Variants in PLXDC2 observed in about 807,000 individuals in gnomAD.
The protein encoded by PLXDC2 is plexin domain-containing protein 2.
In PLXDC2, 40 loss-of-function variants were observed where a neutral mutation model predicts 68.9. The observed-to-expected ratio is 0.58, with a 90% CI of 0.45 to 0.76. The LOEUF is 0.76. Ranked by LOEUF, PLXDC2 falls within the 30% of genes least tolerant of loss-of-function variation. The probability of loss-of-function intolerance (pLI) is 0.00; values close to 1 mark genes in which losing one functional copy is unlikely to be tolerated. For synonymous variants in PLXDC2, 243 were observed against 234.2 expected, an observed-to-expected ratio of 1.04 and a Z score of -0.34; for missense variants, 644 against 661.9, an observed-to-expected ratio of 0.97 and a Z score of 0.30.
chr10:19,914,704 T>C (rs912389977), intron 1 of PLXDC2, among the ~76,000 whole-genome samples: 2 of 152,184 alleles, frequency 1.3e-5, no homozygotes, highest in Admixed American at 1.3e-4. Context: ...TATTTTAGGA[T>C]GGGAAGACAG....
chr10:20,046,136 G>A (rs1188626993), intron 2 of PLXDC2, among the ~76,000 whole-genome samples: 5 of 152,108 alleles, frequency 3.3e-5, no homozygotes, highest in Non-Finnish European at 7.4e-5. Flanking sequence ...AAAGAAGTTT[G>A]AATTTGTTAT....
intron 7 of PLXDC2, among the ~76,000 whole-genome samples, chr10:20,170,191 C>T (rs1252776876): frequency 1.3e-5 from 2 of 151,952 alleles, no homozygotes; most frequent in African/African-American, 4.8e-5. Flanking sequence ...AGACTAGGCA[C>T]CACTTTTTTT....
chr10:19,900,896 G>T (rs959842829), intron 1 of PLXDC2, among the ~76,000 whole-genome samples: 2 of 151,518 alleles, frequency 1.3e-5, no homozygotes, highest in African/African-American at 4.9e-5. Flanking sequence ...TAGAATAATA[G>T]TCTCCAATCC....
rs1490202106 is a variant in PLXDC2, at chr10:20,284,409, G to GTGTA, written c.*4593_*4594insATGT. On this transcript the variant is annotated 3_prime_UTR_variant, in exon 14 of 14. Coordinates refer to ENST00000377252, the MANE Select transcript of PLXDC2 (RefSeq NM_032812.9). ...ATTTGATAGAGATGATAGCAATTAT[G>GTGTA]TGTGTGTGTGTGTGTGTGTGTGTGT... is the stretch of plus-strand genomic sequence containing the variant. 3 of 122,318 alleles carry GTGTA rather than the reference G, an allele frequency of 2.5e-5. No homozygotes were observed. Among genetic ancestry groups the GTGTA allele is most frequent in the Non-Finnish European group, 5.4e-5 (3 of 55,172 alleles). The allele number at this position is 122,318 out of a possible 1,614,324, so 7.6% of individuals were successfully genotyped here. A position where few individuals can be genotyped will look rare whatever the true frequency, so the allele number is the denominator to read the frequency against.
At chr10:20,125,536 A>G (rs1833761589) in intron 4 of PLXDC2, among the ~76,000 whole-genome samples, 1 of 152,166 alleles carries the variant, frequency 6.6e-6, no homozygotes. Context: ...TGAGATTGCA[A>G]AAGGGCACAT....
rs1436235699 is a variant in PLXDC2, at chr10:20,282,628, T to C, written c.*2809T>C. On this transcript the variant is annotated 3_prime_UTR_variant, in exon 14 of 14. Coordinates refer to ENST00000377252, the MANE Select transcript of PLXDC2 (RefSeq NM_032812.9). ...GTCTAGTGTTCCATTATTGGAACGC[T>C]AAGCTTATGGGAGTTATTTAGAGCC... 1 of 152,166 alleles carries C rather than the reference T, an allele frequency of 6.6e-6. No homozygotes were observed. Among genetic ancestry groups the C allele is most frequent in the Admixed American group, 6.6e-5 (1 of 15,264 alleles). The allele number at this position is 152,166 out of a possible 1,614,324, so 9.4% of individuals were successfully genotyped here.
chr10:19,877,066 T>G (rs1837645641), intron 1 of PLXDC2, among the ~76,000 whole-genome samples: 1 of 152,202 alleles, frequency 6.6e-6, no homozygotes, highest in Non-Finnish European at 1.5e-5. Flanking sequence ...TTGTTTGCAT[T>G]TCACCGAATA....
At chr10:19,963,525 A>C (rs970848426) in intron 1 of PLXDC2, among the ~76,000 whole-genome samples, 4 of 152,190 alleles carry the variant, frequency 2.6e-5, no homozygotes, top group Admixed American at 1.3e-4. Flanking sequence ...TGATGAATTC[A>C]TGTCCTTTGT....
chr10:20,277,192 G>C (rs1222562542), intron 13 of PLXDC2, among the ~76,000 whole-genome samples: 1 of 106,892 alleles, frequency 9.4e-6, no homozygotes, highest in African/African-American at 3.8e-5. Flanking sequence ...CTGGGTGACA[G>C]AGCGAGATTC....
chr10:20,230,619 T>A (rs1160234312), intron 12 of PLXDC2, among the ~76,000 whole-genome samples: 2 of 136,492 alleles, frequency 1.5e-5, no homozygotes, highest in Non-Finnish European at 3.1e-5. Flanking sequence ...CTGCAGTGAG[T>A]CATGGTCACA....
chr10:20,048,814 T>C (rs532961750), intron 3 of PLXDC2, among the ~76,000 whole-genome samples: 2 of 152,232 alleles, frequency 1.3e-5, no homozygotes, highest in South Asian at 2.1e-4. Context: ...CTCTTTGCAA[T>C]AGGTTTTACT....
rs769031550 is a variant in PLXDC2, at chr10:20,217,580, C to A, written c.1273+4C>A. On this transcript the variant is annotated splice_donor_region_variant and intron_variant, in intron 11 of 13. Coordinates refer to ENST00000377252, the MANE Select transcript of PLXDC2 (RefSeq NM_032812.9). Reference sequence around the variant, plus strand: ...CCCACCAGCCTCCCTACAGAAGGTACCCAAGAGATAGTTTGCTTTTTTTTT... The same window carrying A: ...CCCACCAGCCTCCCTACAGAAGGTAACCAAGAGATAGTTTGCTTTTTTTTT... 2 of 1,389,384 alleles carry A rather than the reference C, an allele frequency of 1.4e-6. No homozygotes were observed. The highest frequency in any genetic ancestry group is 1.9e-6 in the Non-Finnish European group (2 of 1,028,244). 86.1% of individuals were successfully genotyped at this position (1,389,384 alleles called of 1,614,324 possible).
chr10:19,991,594 C>T (rs1176906028), intron 1 of PLXDC2, among the ~76,000 whole-genome samples: 2 of 152,048 alleles, frequency 1.3e-5, no homozygotes, highest in African/African-American at 4.8e-5. Flanking sequence ...AGAAGTACAT[C>T]TATTGGCTGT....
chr10:20,016,333 C>A (rs1223155492), intron 2 of PLXDC2, among the ~76,000 whole-genome samples: 1 of 152,178 alleles, frequency 6.6e-6, no homozygotes, highest in Non-Finnish European at 1.5e-5. Flanking sequence ...AACCAAGACT[C>A]ATTTGTGGTT....
chr10:20,149,947 T>A (rs911465393), intron 6 of PLXDC2, among the ~76,000 whole-genome samples: 2 of 152,176 alleles, frequency 1.3e-5, no homozygotes, highest in Non-Finnish European at 2.9e-5. Flanking sequence ...TTTACTTTTT[T>A]AGAGTAGTTT....
intron 1 of PLXDC2, among the ~76,000 whole-genome samples, chr10:19,921,481 A>G (rs756084120): frequency 5.9e-5 from 9 of 152,200 alleles, no homozygotes; most frequent in South Asian, 4.1e-4. Context: ...CAAGTATTCT[A>G]AGAAGACTTG....
chr10:19,942,631 G>T (rs1261296378), intron 1 of PLXDC2, among the ~76,000 whole-genome samples: 1 of 152,164 alleles, frequency 6.6e-6, no homozygotes, highest in Non-Finnish European at 1.5e-5. Context: ...GGGCATGGTG[G>T]CGTGTGCCTG....
At chr10:19,984,121 T>A (rs867940837) in intron 1 of PLXDC2, among the ~76,000 whole-genome samples, 18 of 152,188 alleles carry the variant, frequency 1.2e-4, no homozygotes, top group African/African-American at 3.4e-4. Flanking sequence ...GTATTTCCTA[T>A]ATGGGTATAA....
chr10:19,942,819 C>A (rs1299333093), intron 1 of PLXDC2, among the ~76,000 whole-genome samples: 3 of 152,016 alleles, frequency 2.0e-5, no homozygotes, highest in Non-Finnish European at 4.4e-5. Context: ...TTGGGTTCTT[C>A]AAAAAATACT....
Sources: gnomAD v4.1 joint callset for allele counts (sites outside exome capture counted in the v4.1 genomes callset) on GRCh38, gnomAD v4.1.1 for gene constraint, MANE v1.5 for transcripts, NCBI Gene and HGNC (gene_info 2026-07-23, HGNC 2026-07-21) for gene names.